Variants in ADGRG6 observed in about 807,000 individuals in gnomAD.
ADGRG6 encodes adhesion G protein-coupled receptor G6.
A neutral mutation model predicts 142.4 loss-of-function variants in ADGRG6; 84 were observed. The observed-to-expected ratio is 0.59, with a 90% CI of 0.49 to 0.71. The LOEUF is 0.71. ADGRG6 is among the 30% of genes least tolerant of loss of function. ADGRG6 has a pLI of 0.00. For synonymous variants in ADGRG6, 521 were observed against 520.5 expected (o/e 1.00, Z -0.01); for missense variants, 1,367 against 1,466.6 (o/e 0.93, Z 1.11).
At chr6:142,371,727 G>A (rs1189401508) in intron 4 of ADGRG6, among the ~76,000 whole-genome samples, 5 of 151,692 alleles carry the variant, frequency 3.3e-5, no homozygotes, top group Non-Finnish European at 7.4e-5. Context: ...CCTCGTGATC[G>A]GCCCACCTTG....
rs1032099915 is a variant in ADGRG6 at position 142,426,777 on chromosome 6, G to T, written c.3319+6673G>T. On this transcript the variant is annotated intron_variant, in intron 22 of 24. Coordinates refer to ENST00000367609, the MANE Select transcript of ADGRG6 (RefSeq NM_198569.3). ...TTCATCTTCTGAAATCTAGGCGGAG[G>T]TTCCCAAACCTCAATTCTTGACTTC... 3.9e-5 allele frequency among the ~76,000 whole-genome samples: 6 copies of T among 152,150 alleles called. No homozygotes were observed. In the South Asian group the frequency reaches 6.2e-4, roughly 16 times the overall value.
intron 2 of ADGRG6, among the ~76,000 whole-genome samples, chr6:142,315,801 A>G (rs1357854596): frequency 6.6e-6 from 1 of 151,298 alleles, no homozygotes; most frequent in African/African-American, 2.4e-5. Flanking sequence ...GTTGCACTCT[A>G]GCCTGGGCAA....
intron 2 of ADGRG6, among the ~76,000 whole-genome samples, chr6:142,339,332 A>C (rs1779504822): frequency 6.6e-6 from 1 of 152,224 alleles, no homozygotes; most frequent in South Asian, 2.1e-4. Flanking sequence ...GAAAAGCTGG[A>C]GACCAGCAAA....
At chr6:142,358,961 T>C (rs1410823383) in intron 2 of ADGRG6, among the ~76,000 whole-genome samples, 1 of 151,642 alleles carries the variant, frequency 6.6e-6, no homozygotes, top group East Asian at 1.9e-4. Flanking sequence ...ATCCCAGCAC[T>C]TTGGGAGGCT....
Position 142,421,537 on chromosome 6 carries a change from C to A in ADGRG6, c.3319+1433C>A, listed in dbSNP as rs564097719. Among the ~76,000 whole-genome samples the A allele has an allele frequency of 1.8e-4, 28 of 152,206 alleles. No homozygotes were observed. In the East Asian group the frequency reaches 5.2e-3, roughly 28 times the overall value. On this transcript the variant is annotated intron_variant, in intron 22 of 24. Coordinates refer to ENST00000367609, the MANE Select transcript of ADGRG6 (RefSeq NM_198569.3). ...ATAAAAGTGCTTAAATAAATATTGA[C>A]AAAAGTATCCATTAACATTAGAAAT...
At chr6:142,325,534 G>A (rs1307016040) in intron 2 of ADGRG6, among the ~76,000 whole-genome samples, 1 of 151,994 alleles carries the variant, frequency 6.6e-6, no homozygotes, top group Non-Finnish European at 1.5e-5. Context: ...AACCAATTTG[G>A]AGCTTATTTT....
At chr6:142,329,361 ATAAT>A (rs984272603) in intron 2 of ADGRG6, among the ~76,000 whole-genome samples, 1 of 152,170 alleles carries the variant, frequency 6.6e-6, no homozygotes, top group African/African-American at 2.4e-5. Context: ...TTTCATTTTA[ATAAT>A]TTATTAGTAA....
chr6:142,383,756 C>T lies in ADGRG6; in HGVS notation c.1139-4C>T. The T allele has an allele frequency of 6.9e-7, 1 of 1,445,850 alleles. No individual in the cohort carries two copies. Among genetic ancestry groups the T allele is most frequent in the Non-Finnish European group, 9.7e-7 (1 of 1,031,930 alleles). The allele number at this position is 1,445,850 out of a possible 1,614,324, so 89.6% of individuals were successfully genotyped here. ...AATTACATCTTTCTCATCTTTATTA[C>T]CAGCTACTGTAAACTCTCCTAGTAC... On this transcript the variant is annotated splice_region_variant and splice_polypyrimidine_tract_variant and intron_variant, in intron 5 of 24. Transcript: ENST00000367609.
At chr6:142,378,544 G>A (rs1248495946) in intron 4 of ADGRG6, among the ~76,000 whole-genome samples, 6 of 152,218 alleles carry the variant, frequency 3.9e-5, no homozygotes, top group Admixed American at 2.0e-4. Flanking sequence ...TGGGCAAAAA[G>A]CATTCAAGAC....
chr6:142,332,024 G>C (rs1332695153), intron 2 of ADGRG6, among the ~76,000 whole-genome samples: 1 of 152,068 alleles, frequency 6.6e-6, no homozygotes, highest in Non-Finnish European at 1.5e-5. Context: ...GGTTTTTAGA[G>C]TAATATGCTG....
chr6:142,303,556 A>G (rs17071690), intron 1 of ADGRG6, among the ~76,000 whole-genome samples: 2,889 of 152,334 alleles, frequency 0.019, 97 homozygotes, highest in African/African-American at 0.065. Context: ...CATTTATGCC[A>G]GTGGAATCGG....
At chr6:142,428,412 A>G (rs1280827877) in intron 22 of ADGRG6, among the ~76,000 whole-genome samples, 3 of 152,166 alleles carry the variant, frequency 2.0e-5, no homozygotes, top group African/African-American at 4.8e-5. Flanking sequence ...AATTGAATCA[A>G]GGCTGAAACC....
chr6:142,427,482 G>A (rs983231491), intron 22 of ADGRG6, among the ~76,000 whole-genome samples: 2 of 152,112 alleles, frequency 1.3e-5, no homozygotes, highest in African/African-American at 4.8e-5. Flanking sequence ...CATTAAGTAA[G>A]TCTCTAGGAA....
chr6:142,407,358 G>A (rs1220632940), intron 15 of ADGRG6, among the ~76,000 whole-genome samples: 1 of 151,636 alleles, frequency 6.6e-6, no homozygotes, highest in Non-Finnish European at 1.5e-5. Flanking sequence ...GTTTAATAAT[G>A]ACCACCACAC....
At chr6:142,341,620 G>A (rs1414984015) in intron 2 of ADGRG6, among the ~76,000 whole-genome samples, 2 of 118,136 alleles carry the variant, frequency 1.7e-5, no homozygotes, top group Admixed American at 1.0e-4. Context: ...ATAATATGTA[G>A]TATATATAAT....
intron 5 of ADGRG6, among the ~76,000 whole-genome samples, chr6:142,383,208 T>C (rs749377774): frequency 1.3e-5 from 2 of 152,224 alleles, no homozygotes; most frequent in Non-Finnish European, 2.9e-5. Context: ...CATCAATGTT[T>C]AGTAAACTTT....
chr6:142,372,200 A>C (rs781372630), intron 4 of ADGRG6, among the ~76,000 whole-genome samples: 1 of 152,342 alleles, frequency 6.6e-6, no homozygotes, highest in East Asian at 1.9e-4. Flanking sequence ...TTATTTTATT[A>C]TAGGACTGAT....
At chr6:142,371,090 A>G (rs1032318886) in intron 4 of ADGRG6, 6 of 317,338 alleles carry the variant, frequency 1.9e-5, no homozygotes, top group East Asian at 6.8e-5. Context: ...GAATATAACA[A>G]TAGTTATAAT....
intron 2 of ADGRG6, among the ~76,000 whole-genome samples, chr6:142,340,048 C>T (rs927880907): frequency 1.3e-5 from 2 of 152,124 alleles, no homozygotes; most frequent in Admixed American, 6.5e-5. Flanking sequence ...ATAAAGTTAA[C>T]TTCTCTTTTG....
Sources: allele counts gnomAD v4.1 joint callset (sites outside exome capture counted in the v4.1 genomes callset), GRCh38; gene constraint gnomAD v4.1.1; transcripts MANE v1.5; gene names NCBI Gene and HGNC (gene_info 2026-07-23, HGNC 2026-07-21).